Variants in EIF4E observed in about 807,000 individuals in gnomAD.
EIF4E encodes the protein eukaryotic translation initiation factor 4E.
For missense variants in EIF4E, 113 were observed against 265.6 expected, an observed-to-expected ratio of 0.43 and a Z score of 3.99; for synonymous variants, 71 against 88.5, an observed-to-expected ratio of 0.80 and a Z score of 1.11.
At chr4:98,922,845 TTTTTC>T (rs1725705734) in intron 1 of EIF4E, among the ~76,000 whole-genome samples, 2 of 141,236 alleles carry the variant, frequency 1.4e-5, no homozygotes, top group Admixed American at 1.5e-4. Flanking sequence ...TGTTTTTTCT[TTTTTC>T]TTTTTTTTTT....
chr4:98,889,487 G>C (rs1724063544), intron 3 of EIF4E, among the ~76,000 whole-genome samples: 1 of 152,162 alleles, frequency 6.6e-6, no homozygotes, highest in African/African-American at 2.4e-5. Flanking sequence ...AGTCCATCAT[G>C]AGAATTTATA....
At chr4:98,885,941 G>A (rs1265163015) in intron 5 of EIF4E, among the ~76,000 whole-genome samples, 2 of 152,032 alleles carry the variant, frequency 1.3e-5, no homozygotes, top group Non-Finnish European at 2.9e-5. Context: ...ATTCAAAAAT[G>A]GTATTTGCTC....
intron 1 of EIF4E, among the ~76,000 whole-genome samples, chr4:98,922,301 T>C (rs1480619057): frequency 6.6e-6 from 1 of 152,176 alleles, no homozygotes; most frequent in African/African-American, 2.4e-5. Flanking sequence ...CTCACGCCTG[T>C]AATCCCAGCA....
intron 2 of EIF4E, among the ~76,000 whole-genome samples, chr4:98,901,347 G>A (rs1473616980): frequency 6.6e-6 from 1 of 152,126 alleles, no homozygotes; most frequent in Non-Finnish European, 1.5e-5. Flanking sequence ...ACAGGCGTCT[G>A]CCACCATACC....
chr4:98,903,476 G>C (rs983725680), intron 1 of EIF4E: 2 of 455,484 alleles, frequency 4.4e-6, no homozygotes, highest in African/African-American at 2.0e-5. Context: ...ACGGTAACTG[G>C]GACTACAGAT....
rs146027804 is a variant in EIF4E at position 98,900,750 on chromosome 4, G to A, written c.125+1126C>T. 2.2e-3 allele frequency among the ~76,000 whole-genome samples: 340 copies of A among 152,172 alleles called. 1 individual carries two copies. Among genetic ancestry groups the A allele is most frequent in the African/African-American group, 8.0e-3 (332 of 41,510 alleles). On this transcript the variant is annotated intron_variant, in intron 2 of 6. Coordinates refer to ENST00000450253, the MANE Select transcript of EIF4E (RefSeq NM_001968.5). ...GAAAATAAATAAAAACAAACCTACTGGAAAGGAGTGGGAAGAGTTGGGAAA... is the reference window on the plus strand; with the variant it reads ...GAAAATAAATAAAAACAAACCTACTAGAAAGGAGTGGGAAGAGTTGGGAAA...
In EIF4E at chr4:98,881,058, G is replaced by A; in HGVS notation, c.624C>T (p.Gly208=). 1 of 1,611,734 alleles carries A rather than the reference G, an allele frequency of 6.2e-7. No homozygotes were observed. The highest frequency in any genetic ancestry group is 8.5e-7 in the Non-Finnish European group (1 of 1,179,334). Residue 208 remains glycine, a synonymous_variant, in exon 7 of 7, where the codon GGC becomes GGT. Coordinates refer to ENST00000450253, the MANE Select transcript of EIF4E (RefSeq NM_001968.5). ...QSHADTATKS[G]STTKNRFVV ...CAACAAACCTATTTTTAGTGGTGGAGCCGCTCTTAGTAGCTGTGTCTGCGT... is the reference window on the plus strand; with the variant it reads ...CAACAAACCTATTTTTAGTGGTGGAACCGCTCTTAGTAGCTGTGTCTGCGT...
intron 1 of EIF4E, chr4:98,909,497 C>T (rs1725014698): frequency 1.7e-6 from 1 of 579,378 alleles, no homozygotes; most frequent in East Asian, 3.0e-5. Context: ...TAAACTGGAC[C>T]CCATGATTTA....
At chr4:98,900,800 A>G (rs1460278698) in intron 2 of EIF4E, among the ~76,000 whole-genome samples, 2 of 152,182 alleles carry the variant, frequency 1.3e-5, no homozygotes, top group Non-Finnish European at 2.9e-5. Context: ...CTAATACTCA[A>G]TTTCCTGTTA....
chr4:98,929,091 T>C lies in EIF4E; in HGVS notation c.18+4A>G. The stretch of plus-strand genomic sequence containing the variant: ...TGGGGGTGGGGGCCAAAGGCAATAC[T>C]CACCGGTTCGACAGTCGCCATCTTA... On this transcript the variant is annotated splice_donor_region_variant and intron_variant, in intron 1 of 6. Transcript: ENST00000450253. 1.9e-6 allele frequency: 3 copies of C among 1,582,576 alleles called. No homozygotes were observed. The highest frequency in any genetic ancestry group is 2.6e-6 in the Non-Finnish European group (3 of 1,164,136).
At chr4:98,906,815 C>T (rs1450227558) in intron 1 of EIF4E, among the ~76,000 whole-genome samples, 2 of 152,174 alleles carry the variant, frequency 1.3e-5, no homozygotes, top group African/African-American at 4.8e-5. Context: ...CCATGTTCCC[C>T]ATGTTGGAAT....
Position 98,884,907 on chromosome 4 carries a change from A to C in EIF4E, c.539+15T>G. 1 of 1,611,888 alleles carries C rather than the reference A, an allele frequency of 6.2e-7. No homozygotes were observed. Among genetic ancestry groups the C allele is most frequent in the Non-Finnish European group, 8.5e-7 (1 of 1,179,654 alleles). ...CTTAATACTGTAAAATAAGTAGGCA[A>C]AGAGCAAAACTTACCCTATATGTGT... is the stretch of plus-strand genomic sequence containing the variant. On this transcript the variant is annotated intron_variant, in intron 6 of 6. Coordinates refer to ENST00000450253, the MANE Select transcript of EIF4E (RefSeq NM_001968.5).
At chr4:98,922,004 T>C (rs1330838047) in intron 1 of EIF4E, among the ~76,000 whole-genome samples, 1 of 152,196 alleles carries the variant, frequency 6.6e-6, no homozygotes, top group Non-Finnish European at 1.5e-5. Flanking sequence ...CATTGTAATA[T>C]AACAGGGCCT....
At position 98,887,631 on chromosome 4, in the gene EIF4E, A is replaced by G. The variant is rs1392236624; in HGVS notation, c.285+258T>C. Among the ~76,000 whole-genome samples, 2 of 152,204 alleles carry G rather than the reference A, an allele frequency of 1.3e-5. No individual in the cohort carries two copies. The highest frequency in any genetic ancestry group is 2.9e-5 in the Non-Finnish European group (2 of 68,022). ...CTTGATAAACTCAGTCTGCTCAAATATATAAAGGAAGGAGTAGACTGGATA... is the reference window on the plus strand; with the variant it reads ...CTTGATAAACTCAGTCTGCTCAAATGTATAAAGGAAGGAGTAGACTGGATA... On this transcript the variant is annotated intron_variant, in intron 4 of 6. Coordinates refer to ENST00000450253, the MANE Select transcript of EIF4E (RefSeq NM_001968.5). This position sits in a 1 kb window ranked among gnomAD's most constrained non-coding sequence, Gnocchi z 4.0.
chr4:98,922,665 T>A (rs947053717), intron 1 of EIF4E, among the ~76,000 whole-genome samples: 8 of 152,108 alleles, frequency 5.3e-5, no homozygotes, highest in South Asian at 4.1e-4. Context: ...TCTTTCTACA[T>A]TAAAAATAGC....
At chr4:98,881,164 G>C in intron 6 of EIF4E, 22 bp from the exon 7 acceptor site, 1 of 1,603,094 alleles carries the variant, frequency 6.2e-7, no homozygotes, top group African/African-American at 1.4e-5. Flanking sequence ...AAAAAAAGAA[G>C]AAGAAAAAAG....
chr4:98,928,923 G>A (rs1721351101), intron 1 of EIF4E, 172 bp downstream of exon 1: 1 of 1,571,532 alleles, frequency 6.4e-7, no homozygotes, highest in Non-Finnish European at 8.6e-7. Context: ...CGCCGCCTCG[G>A]CCATCCTCCG....
At chr4:98,928,788 C>G in intron 1 of EIF4E, 2 of 1,413,912 alleles carry the variant, frequency 1.4e-6, no homozygotes, top group Non-Finnish European at 1.9e-6. Context: ...CTCGCATACC[C>G]AGCCCAGAAC....
chr4:98,912,915 C>T (rs1579176836), intron 1 of EIF4E, among the ~76,000 whole-genome samples: 1 of 152,168 alleles, frequency 6.6e-6, no homozygotes, highest in African/African-American at 2.4e-5. Flanking sequence ...TGTTAAAATT[C>T]TATGTGTTTT....
Sources: allele counts gnomAD v4.1 joint callset (sites outside exome capture counted in the v4.1 genomes callset), GRCh38; gene constraint gnomAD v4.1.1; non-coding constraint Gnocchi (gnomAD v3.1); transcripts MANE v1.5; gene names NCBI Gene and HGNC (gene_info 2026-07-23, HGNC 2026-07-21).